MCU: variants seen among roughly 807,000 people sequenced by gnomAD.
MCU encodes mitochondrial calcium uniporter.
In MCU, 12 loss-of-function variants were observed where a neutral mutation model predicts 45.2. The ratio of observed to expected loss-of-function variants is 0.27; its 90% CI spans 0.17 to 0.43. The LOEUF is 0.43. Ranked by LOEUF, MCU falls within the 20% of genes least tolerant of loss-of-function variation. The probability of loss-of-function intolerance (pLI) is 1.00; values close to 1 mark genes in which losing one functional copy is unlikely to be tolerated. For synonymous variants in MCU, 160 were observed against 165.1 expected (o/e 0.97, Z 0.24); for missense variants, 324 against 436.7 (o/e 0.74, Z 2.30).
At position 72,773,595 on chromosome 10, in the gene MCU, A is replaced by T. The variant is rs188303177; in HGVS notation, c.151-60764A>T. ...TAGAAATAATAACAGGTAATTTTTT[A>T]AAACTTGAAAAAGATAGAAATATCC... On this transcript the variant is annotated intron_variant, in intron 1 of 7. Coordinates refer to ENST00000373053, the MANE Select transcript of MCU (RefSeq NM_138357.3). Among the ~76,000 whole-genome samples, 732 of 152,314 alleles carry T rather than the reference A, an allele frequency of 4.8e-3. 1 individual carries two copies. Among genetic ancestry groups the T allele is most frequent in the Non-Finnish European group, 7.9e-3 (536 of 68,018 alleles).
chr10:72,804,073 T>A (rs866620543), intron 1 of MCU, among the ~76,000 whole-genome samples: 27 of 59,722 alleles, frequency 4.5e-4, no homozygotes, highest in African/African-American at 1.1e-3. Flanking sequence ...TATATATATA[T>A]AAAATAAGAG....
chr10:72,740,377 CAA>C (rs567402147), intron 1 of MCU, among the ~76,000 whole-genome samples: 34 of 107,286 alleles, frequency 3.2e-4, no homozygotes, highest in Admixed American at 4.0e-4. Flanking sequence ...GACTCTGTCT[CAA>C]AAAAAAAAAA....
intron 1 of MCU, among the ~76,000 whole-genome samples, chr10:72,723,111 G>A (rs1444946407): frequency 2.0e-5 from 3 of 152,108 alleles, no homozygotes; most frequent in African/African-American, 7.2e-5. Flanking sequence ...CAGGAGAATG[G>A]CATGAACCCA....
At chr10:72,743,520 T>C (rs776227445) in intron 1 of MCU, among the ~76,000 whole-genome samples, 6 of 152,066 alleles carry the variant, frequency 3.9e-5, no homozygotes, top group Non-Finnish European at 7.4e-5. Context: ...CAGCAGATAT[T>C]TACTGAATAC....
chr10:72,820,832 G>T (rs1006296062), intron 1 of MCU, among the ~76,000 whole-genome samples: 1 of 151,802 alleles, frequency 6.6e-6, no homozygotes, highest in Non-Finnish European at 1.5e-5. Context: ...TTTTTAGTGG[G>T]ATAACAAAAT....
intron 1 of MCU, among the ~76,000 whole-genome samples, chr10:72,743,116 G>C (rs2132699829): frequency 6.6e-6 from 1 of 151,978 alleles, no homozygotes; most frequent in Non-Finnish European, 1.5e-5. Flanking sequence ...CGAGAAAAGT[G>C]AGGGGTTTTG....
intron 1 of MCU, among the ~76,000 whole-genome samples, chr10:72,710,543 G>GTTTTTT (rs555887994): frequency 2.4e-5 from 2 of 84,302 alleles, no homozygotes; most frequent in African/African-American, 5.0e-5. Flanking sequence ...ATCACCTAAG[G>GTTTTTT]TTTTTTTTTT....
At chr10:72,813,447 T>G (rs1388245023) in intron 1 of MCU, among the ~76,000 whole-genome samples, 1 of 127,090 alleles carries the variant, frequency 7.9e-6, no homozygotes, top group Non-Finnish European at 1.7e-5. Flanking sequence ...ATACCAGCTC[T>G]CTCTTTTTTT....
chr10:72,812,420 A>G (rs573268248), intron 1 of MCU, among the ~76,000 whole-genome samples: 211 of 152,350 alleles, frequency 1.4e-3, no homozygotes, highest in Non-Finnish European at 2.7e-3. Context: ...TGCTGGGATT[A>G]CAGGCATGAG....
At chr10:72,703,794 G>A (rs1842786053) in intron 1 of MCU, among the ~76,000 whole-genome samples, 2 of 152,008 alleles carry the variant, frequency 1.3e-5, no homozygotes. Context: ...TACTCCAGAG[G>A]CTGAGACGTG....
chr10:72,774,951 G>A (rs1843868124), intron 1 of MCU, among the ~76,000 whole-genome samples: 1 of 151,982 alleles, frequency 6.6e-6, no homozygotes, highest in African/African-American at 2.4e-5. Context: ...TACAACTATA[G>A]TAGGGCACTT....
intron 1 of MCU, among the ~76,000 whole-genome samples, chr10:72,754,404 T>C (rs939690702): frequency 6.6e-6 from 1 of 152,180 alleles, no homozygotes; most frequent in African/African-American, 2.4e-5. Context: ...GATTTTCTGA[T>C]CATCAGTATT....
intron 6 of MCU, among the ~76,000 whole-genome samples, chr10:72,876,927 T>TG (rs1387030370): frequency 1.3e-5 from 2 of 149,436 alleles, no homozygotes; most frequent in Non-Finnish European, 3.0e-5. Context: ...CACAGTTTTT[T>TG]TTTTTTTTTT....
chr10:72,817,113 C>A lies in MCU; in HGVS notation c.151-17246C>A, dbSNP rs994562533. Among the ~76,000 whole-genome samples the A allele has an allele frequency of 2.0e-5, 3 of 152,088 alleles. 1 individual carries two copies. In the South Asian group the frequency reaches 6.2e-4, roughly 32 times the overall value. ...TCCCTTCCACCTTCTGTTACTTGGTCCAGAATTTCTGTGGCATCAAATATA... is the reference window on the plus strand; with the variant it reads ...TCCCTTCCACCTTCTGTTACTTGGTACAGAATTTCTGTGGCATCAAATATA... On this transcript the variant is annotated intron_variant, in intron 1 of 7. Transcript: ENST00000373053.
intron 1 of MCU, among the ~76,000 whole-genome samples, chr10:72,706,585 T>A (rs1842823028): frequency 6.6e-6 from 1 of 151,934 alleles, no homozygotes; most frequent in Non-Finnish European, 1.5e-5. Context: ...GTCGCCAGGC[T>A]GGAGTGCAGT....
intron 1 of MCU, chr10:72,760,716 CT>C (rs965659813): frequency 2.8e-4 from 38 of 135,002 alleles, no homozygotes; most frequent in East Asian, 1.3e-3. Flanking sequence ...TTTTTTCTTT[CT>C]TTTTTTTTTT....
intron 1 of MCU, among the ~76,000 whole-genome samples, chr10:72,813,554 G>T (rs776354024): frequency 1.3e-5 from 2 of 149,522 alleles, no homozygotes; most frequent in Non-Finnish European, 3.0e-5. Context: ...CGCCTCCTGG[G>T]ATCAAGCGAT....
At chr10:72,806,653 CA>C (rs1253843151) in intron 1 of MCU, among the ~76,000 whole-genome samples, 1 of 152,058 alleles carries the variant, frequency 6.6e-6, no homozygotes, top group Non-Finnish European at 1.5e-5. Flanking sequence ...AACAATAAAT[CA>C]ATAAGAAAGA....
intron 1 of MCU, among the ~76,000 whole-genome samples, chr10:72,773,997 A>G (rs143084538): frequency 3.5e-4 from 53 of 152,358 alleles, no homozygotes; most frequent in African/African-American, 9.9e-4. Flanking sequence ...CTGAAAGAAA[A>G]CATAAACCAA....
Sources: allele counts gnomAD v4.1 joint callset (sites outside exome capture counted in the v4.1 genomes callset), GRCh38; gene constraint gnomAD v4.1.1; transcripts MANE v1.5; gene names NCBI Gene and HGNC (gene_info 2026-07-23, HGNC 2026-07-21).